NEB: variants seen among roughly 807,000 people sequenced by gnomAD.
The protein encoded by NEB is nebulin.
A neutral mutation model predicts 952.2 loss-of-function variants in NEB; 512 were observed. The observed-to-expected ratio is 0.54, with a 90% CI of 0.50 to 0.58. The LOEUF is 0.58. Among genes scored for constraint, NEB ranks in the 20% least tolerant of loss-of-function variants. NEB has a pLI of 0.00. For synonymous variants in NEB, 2,900 were observed against 3,149.8 expected, an observed-to-expected ratio of 0.92 and a Z score of 2.66; for missense variants, 8,428 against 9,231.1, an observed-to-expected ratio of 0.91 and a Z score of 3.56.
chr2:151,497,245 A>G (rs903751215), intron 171 of NEB: 3 of 856,004 alleles, frequency 3.5e-6, no homozygotes, highest in Admixed American at 6.2e-5. Context: ...CAGGGACCTC[A>G]GCTGCTGGGG....
chr2:151,533,311 A>T (rs2092246220), intron 143 of NEB, 131 bp downstream of exon 143: 3 of 632,992 alleles, frequency 4.7e-6, no homozygotes, highest in Admixed American at 2.8e-5. Context: ...ACAAGGAATG[A>T]ATATTTACAT....
At chr2:151,639,010 T>C (rs2098812854) in intron 63 of NEB, among the ~76,000 whole-genome samples, 1 of 152,194 alleles carries the variant, frequency 6.6e-6, no homozygotes, top group Non-Finnish European at 1.5e-5. Context: ...GCTAATATCC[T>C]AACTTCAAAA....
Position 151,694,430 on chromosome 2 carries a change from A to G in NEB, c.1789T>C (p.Tyr597His), listed in dbSNP as rs768399023. The G allele has an allele frequency of 1.9e-6, 3 of 1,613,508 alleles. No homozygotes were observed. The highest frequency in any genetic ancestry group is 1.7e-5 in the Admixed American group (1 of 59,996). The change falls in exon 20 of 182, where the codon TAC becomes CAC. Residue 597 changes from tyrosine to histidine, a missense_variant. Tyr to His is a moderately conservative substitution (Grantham distance 83). Coordinates refer to ENST00000397345, the MANE Select transcript of NEB (RefSeq NM_001164508.2). ...ANTKNTSDVM[Y>H]KKDYEKNKGK... Reference sequence around the variant, plus strand: ...TTGTTTTTTTCATAGTCTTTCTTGTACATCACCTGCAAAGACATCACACAT... The same window carrying G: ...TTGTTTTTTTCATAGTCTTTCTTGTGCATCACCTGCAAAGACATCACACAT...
intron 77 of NEB, among the ~76,000 whole-genome samples, chr2:151,613,920 A>G (rs1430686989): frequency 6.6e-6 from 1 of 152,216 alleles, no homozygotes; most frequent in Non-Finnish European, 1.5e-5. Flanking sequence ...TAAATTACCC[A>G]GTCTCAGGTA....
At chr2:151,546,489 G>A (rs746213184) in intron 133 of NEB, 46 bp from the exon 134 acceptor site, 1 of 1,264,354 alleles carries the variant, frequency 7.9e-7, no homozygotes, top group East Asian at 2.4e-5. Flanking sequence ...GCAAATGTAA[G>A]TCAGGAAACA....
In NEB at chr2:151,650,834, G is replaced by A. The variant is rs1204576083; in HGVS notation, c.6967C>T (p.Arg2323Trp). 5.3e-5 allele frequency: 86 copies of A among 1,613,542 alleles called. No homozygotes were observed. Among genetic ancestry groups the A allele is most frequent in the Non-Finnish European group, 6.6e-5 (78 of 1,179,704 alleles). ...AGTTTTGGGTCATCTTGCAGACTCC[G>A]GAATCCAACATGGTGGCCAAGTTGC... Reference protein sequence around the residue: ...RKQLGHHVGFRSLQDDPKLVL... With the variant: ...RKQLGHHVGFWSLQDDPKLVL... Residue 2323 changes from arginine to tryptophan, a missense_variant, in exon 53 of 182, where the codon CGG (arginine) becomes TGG (tryptophan). By Grantham distance (101) the Arg-to-Trp change is moderately radical. Around this residue, in one of 11 missense-constraint regions of NEB, gnomAD observed 1,772 missense variants for 1,960.3 expected, o/e 0.90. Coordinates refer to ENST00000397345, the MANE Select transcript of NEB (RefSeq NM_001164508.2).
intron 38 of NEB, among the ~76,000 whole-genome samples, chr2:151,669,655 C>T (rs1006492788): frequency 3.9e-5 from 6 of 152,100 alleles, no homozygotes; most frequent in East Asian, 1.9e-4. Context: ...CCTGGGTAGA[C>T]GTGGGGGTGG....
intron 63 of NEB, 61 bp from the exon 64 acceptor site, chr2:151,636,395 T>C: frequency 7.6e-7 from 1 of 1,314,462 alleles, no homozygotes; most frequent in Non-Finnish European, 1.1e-6. Flanking sequence ...GACAGAGGAC[T>C]AAGACAATTC....
intron 77 of NEB, 81 bp downstream of exon 77, chr2:151,614,195 C>G: frequency 6.6e-7 from 1 of 1,511,294 alleles, no homozygotes. Context: ...TAGGTTTCAC[C>G]AGACTGTGGA....
At chr2:151,591,484 C>T (rs2097263327) in intron 95 of NEB, 29 bp from the exon 96 acceptor site, 1 of 1,527,878 alleles carries the variant, frequency 6.5e-7, no homozygotes, top group Non-Finnish European at 8.9e-7. Flanking sequence ...ATGCCACAGT[C>T]AGTCTGAAGA....
intron 12 of NEB, 107 bp downstream of exon 12, chr2:151,709,549 C>A (rs992327133): frequency 2.2e-5 from 18 of 812,076 alleles, no homozygotes; most frequent in Non-Finnish European, 3.6e-5. Flanking sequence ...GGTAGTTCCC[C>A]CAAGAACCAC....
intron 161 of NEB, among the ~76,000 whole-genome samples, chr2:151,512,429 G>C (rs1012635928): frequency 2.0e-5 from 3 of 151,800 alleles, no homozygotes; most frequent in African/African-American, 7.3e-5. Flanking sequence ...GGGCTCAATT[G>C]ATCTTCCCAC....
At chr2:151,619,040 A>T (rs535523032) in intron 73 of NEB, among the ~76,000 whole-genome samples, 1 of 152,236 alleles carries the variant, frequency 6.6e-6, no homozygotes, top group South Asian at 2.1e-4. Flanking sequence ...TTTTCCCATC[A>T]GTAAGTATAA....
intron 66 of NEB, 139 bp from the exon 67 acceptor site, chr2:151,630,958 T>C: frequency 1.7e-6 from 2 of 1,143,920 alleles, no homozygotes; most frequent in Non-Finnish European, 2.5e-6. Context: ...GAAGTGTGAG[T>C]CTTATTACTA....
intron 102 of NEB, 107 bp from the exon 103 acceptor site, chr2:151,581,694 A>T (rs898253166): frequency 1.9e-5 from 25 of 1,309,710 alleles, no homozygotes; most frequent in Admixed American, 1.3e-4. Context: ...GGATGATGAA[A>T]AAAATTTTAA....
chr2:151,701,831 A>G (rs375780147), intron 13 of NEB, among the ~76,000 whole-genome samples: 2 of 147,108 alleles, frequency 1.4e-5, no homozygotes, highest in Non-Finnish European at 3.0e-5. Context: ...TGGATTCATT[A>G]ATTTTTTGAA....
intron 48 of NEB, 51 bp downstream of exon 48, chr2:151,657,932 T>C: frequency 7.7e-7 from 1 of 1,301,326 alleles, no homozygotes; most frequent in South Asian, 1.3e-5. Context: ...GCCCTTATTA[T>C]TTCGGTTCCT....
At chr2:151,636,166 T>C in intron 64 of NEB, 61 bp downstream of exon 64, 2 of 1,369,272 alleles carry the variant, frequency 1.5e-6, no homozygotes, top group Non-Finnish European at 2.0e-6. Context: ...TTCTAAGATT[T>C]AGTTCAGTGA....
chr2:151,695,805 G>A, intron 17 of NEB, 123 bp from the exon 18 acceptor site: 3 of 719,334 alleles, frequency 4.2e-6, no homozygotes, highest in Non-Finnish European at 7.2e-6. Context: ...TCTAGAGCTT[G>A]GGTAGGCCAT....
Sources: allele counts gnomAD v4.1 joint callset (sites outside exome capture counted in the v4.1 genomes callset), GRCh38; gene constraint gnomAD v4.1.1; regional missense constraint gnomAD v4.1.1; transcripts MANE v1.5; gene names NCBI Gene and HGNC (gene_info 2026-07-23, HGNC 2026-07-21).